The following TNFSF4 variants were observed in gnomAD, a reference collection of about 807,000 sequenced individuals.
The protein encoded by TNFSF4 is TNF superfamily member 4, also known as tumor necrosis factor ligand superfamily member 4.
In TNFSF4, 4 loss-of-function variants were observed where a neutral mutation model predicts 7.3. That is an observed-to-expected ratio of 0.55 (90% confidence interval 0.27 to 1.25). The LOEUF is 1.25. TNFSF4 is among the 50% of genes most tolerant of loss of function. The probability of loss-of-function intolerance (pLI) is 0.12; values close to 1 mark genes in which losing one functional copy is unlikely to be tolerated. For missense variants in TNFSF4, 181 were observed against 208.8 expected, an observed-to-expected ratio of 0.87 and a Z score of 0.82; for synonymous variants, 76 against 83.7, an observed-to-expected ratio of 0.91 and a Z score of 0.50.
At chr1:173,260,861 G>A in the TNFSF4 span, among the ~76,000 whole-genome samples, 1 of 152,100 alleles carries the variant, frequency 6.6e-6, no homozygotes, top group Admixed American at 6.5e-5. Context: ...GACCTACAAA[G>A]AGACTTAGAC....
rs145137932 is a variant in TNFSF4 at position 173,189,332 on chromosome 1, T to C, written c.154-763A>G. 3.4e-3 allele frequency among the ~76,000 whole-genome samples: 514 copies of C among 152,084 alleles called. 3 individuals carry two copies. Among genetic ancestry groups the C allele is most frequent in the African/African-American group, 0.012 (493 of 41,458 alleles). ...ACTCCCAGAATGCACTGGGAGGGAG[T>C]TCTGGAAGCTTCCTGCATGTCTGGT... On this transcript the variant is annotated intron_variant, in intron 1 of 2. Transcript: ENST00000281834.
chr1:173,277,052 T>G, the TNFSF4 span, among the ~76,000 whole-genome samples: 1 of 152,136 alleles, frequency 6.6e-6, no homozygotes, highest in Non-Finnish European at 1.5e-5. Context: ...ATGTTCCAGG[T>G]GTCTGTAAGG....
At chr1:173,301,410 T>A in the TNFSF4 span, among the ~76,000 whole-genome samples, 10 of 151,902 alleles carry the variant, frequency 6.6e-5, no homozygotes, top group Admixed American at 6.6e-4. Context: ...TTATTCTAAT[T>A]AATTAATTCT....
In TNFSF4 at chr1:173,184,825, C is replaced by T. The variant is rs980085424; in HGVS notation, c.*1691G>A. On this transcript the variant is annotated 3_prime_UTR_variant, in exon 3 of 3. Transcript: ENST00000281834. ...AGTATTTAGCCCAGTGCCTGGTCCA[C>T]AGTAGGCCCTCCATAAATATTTAGC... 1.3e-5 allele frequency: 2 copies of T among 152,092 alleles called. 1 individual carries two copies. The highest frequency in any genetic ancestry group is 1.3e-4 in the Admixed American group (2 of 15,250). The allele number at this position is 152,092 out of a possible 1,614,324, so 9.4% of individuals were successfully genotyped here. A position where few individuals can be genotyped will look rare whatever the true frequency, so the allele number is the denominator to read the frequency against.
At chr1:173,304,211 T>C in the TNFSF4 span, among the ~76,000 whole-genome samples, 24 of 152,052 alleles carry the variant, frequency 1.6e-4, no homozygotes, top group Admixed American at 3.3e-4. Flanking sequence ...TTCATTTCCA[T>C]AGAACTTGTG....
At chr1:173,226,916 G>C in the TNFSF4 span, among the ~76,000 whole-genome samples, 7 of 152,190 alleles carry the variant, frequency 4.6e-5, no homozygotes, top group Middle Eastern at 3.2e-3. Flanking sequence ...TGGATATAGA[G>C]AAAAGGGGAA....
At chr1:173,390,234 G>A in the TNFSF4 span, among the ~76,000 whole-genome samples, 1 of 152,106 alleles carries the variant, frequency 6.6e-6, no homozygotes, top group African/African-American at 2.4e-5. Flanking sequence ...TCAGGTCAGT[G>A]TCCAGCCAAA....
intron 1 of TNFSF4, 67 bp from the exon 2 acceptor site, chr1:173,188,636 T>A: frequency 7.4e-7 from 1 of 1,347,418 alleles, no homozygotes; most frequent in Non-Finnish European, 1.1e-6. Flanking sequence ...CAAGTCATAT[T>A]TAATGGAACA....
the TNFSF4 span, among the ~76,000 whole-genome samples, chr1:173,261,663 C>G: frequency 6.6e-6 from 1 of 152,154 alleles, no homozygotes; most frequent in South Asian, 2.1e-4. Flanking sequence ...ACTGACCCCA[C>G]AGAAATACAA....
At chr1:173,442,556 T>TTTG in the TNFSF4 span, among the ~76,000 whole-genome samples, 1 of 143,474 alleles carries the variant, frequency 7.0e-6, no homozygotes, top group African/African-American at 2.6e-5. Flanking sequence ...TTTTTGTTTT[T>TTTG]TTTTTTTTTT....
intron 1 of TNFSF4, among the ~76,000 whole-genome samples, chr1:173,198,534 G>T (rs1571197414): frequency 6.6e-6 from 1 of 152,102 alleles, no homozygotes; most frequent in Non-Finnish European, 1.5e-5. Context: ...TACTAGAATG[G>T]CGTGAACGCA....
At chr1:173,395,041 A>AGATAGAT in the TNFSF4 span, among the ~76,000 whole-genome samples, 15 of 88,866 alleles carry the variant, frequency 1.7e-4, no homozygotes, top group African/African-American at 4.4e-4. Context: ...GATAGATGAT[A>AGATAGAT]GATAGATAGA....
At chr1:173,189,630 C>T (rs754558990) in intron 1 of TNFSF4, among the ~76,000 whole-genome samples, 17 of 151,816 alleles carry the variant, frequency 1.1e-4, no homozygotes, top group Non-Finnish European at 1.8e-4. Flanking sequence ...GAACCAACTC[C>T]GAGATCTCTT....
the TNFSF4 span, among the ~76,000 whole-genome samples, chr1:173,294,444 G>A: frequency 6.6e-6 from 1 of 151,886 alleles, no homozygotes; most frequent in Non-Finnish European, 1.5e-5. Flanking sequence ...AGACACTGGG[G>A]CTACTAGAAT....
At chr1:173,435,884 G>A in the TNFSF4 span, among the ~76,000 whole-genome samples, 1 of 152,128 alleles carries the variant, frequency 6.6e-6, no homozygotes, top group African/African-American at 2.4e-5. Flanking sequence ...TTTCAAAGTA[G>A]TTTATTGTTT....
At chr1:173,252,742 T>C in the TNFSF4 span, among the ~76,000 whole-genome samples, 1 of 152,202 alleles carries the variant, frequency 6.6e-6, no homozygotes, top group African/African-American at 2.4e-5. Context: ...GGGGGAGCAC[T>C]GATCAGGAGT....
chr1:173,296,783 C>T, the TNFSF4 span, among the ~76,000 whole-genome samples: 8 of 151,910 alleles, frequency 5.3e-5, 1 homozygote, highest in Admixed American at 5.3e-4. Context: ...AATCATGCTT[C>T]CCCTATAGCA....
At chr1:173,366,995 C>T in the TNFSF4 span, among the ~76,000 whole-genome samples, 2 of 152,164 alleles carry the variant, frequency 1.3e-5, no homozygotes, top group Admixed American at 6.5e-5. Flanking sequence ...GAGGGGCCCT[C>T]GCATGAGTAC....
At chr1:173,350,254 A>G in the TNFSF4 span, among the ~76,000 whole-genome samples, 1 of 152,242 alleles carries the variant, frequency 6.6e-6, no homozygotes, top group South Asian at 2.1e-4. Flanking sequence ...AGGATCCCAG[A>G]GACAACAACT....
Sources: gnomAD v4.1 joint callset for allele counts (sites outside exome capture counted in the v4.1 genomes callset) on GRCh38, gnomAD v4.1.1 for gene constraint, MANE v1.5 for transcripts, NCBI Gene and HGNC (gene_info 2026-07-23, HGNC 2026-07-21) for gene names.